ZNF407: variants seen among roughly 807,000 people sequenced by gnomAD.
ZNF407 encodes zinc finger protein 407.
A neutral mutation model predicts 131.2 loss-of-function variants in ZNF407; 17 were observed. The ratio of observed to expected loss-of-function variants is 0.13; its 90% CI spans 0.09 to 0.19. The LOEUF (loss-of-function observed/expected upper bound fraction) is 0.19, where lower values mean the gene tolerates loss of function less well. Among genes scored for constraint, ZNF407 ranks in the 10% least tolerant of loss-of-function variants. The pLI, the probability that ZNF407 is intolerant of heterozygous loss-of-function variation, is 1.00. For synonymous variants in ZNF407, 1,156 were observed against 1,062.0 expected, an observed-to-expected ratio of 1.09 and a Z score of -1.72; for missense variants, 2,681 against 2,830.6, an observed-to-expected ratio of 0.95 and a Z score of 1.20.
chr18:74,634,960 A>G lies in ZNF407; in HGVS notation c.3941A>G (p.His1314Arg), dbSNP rs1459282391. 1 of 1,614,044 alleles carries G rather than the reference A, an allele frequency of 6.2e-7. No individual in the cohort carries two copies. The highest frequency in any genetic ancestry group is 8.5e-7 in the Non-Finnish European group (1 of 1,179,902). Residue 1314 changes from histidine to arginine, a missense_variant, in exon 2 of 9, where the codon CAT (histidine) becomes CGT (arginine). His to Arg is a conservative substitution (Grantham distance 29). This residue lies in a region of ZNF407 where 1,789 missense variants were observed against 1,748.7 expected (regional missense o/e 1.02). Coordinates refer to ENST00000299687, the MANE Select transcript of ZNF407 (RefSeq NM_017757.3). ...GNKEILMNSQ[H>R]ETEFILEEDG... The stretch of plus-strand genomic sequence containing the variant: ...AAGGAAATTCTGATGAATTCACAAC[A>G]TGAAACAGAATTTATTTTGGAGGAG...
intron 4 of ZNF407, among the ~76,000 whole-genome samples, chr18:74,830,136 T>C (rs753064878): frequency 2.6e-4 from 40 of 152,280 alleles, no homozygotes; most frequent in Admixed American, 1.8e-3. Flanking sequence ...ACACCAACCC[T>C]AATGACACCT....
intron 3 of ZNF407, among the ~76,000 whole-genome samples, chr18:74,672,356 GA>G (rs2144754534): frequency 6.6e-6 from 1 of 152,280 alleles, no homozygotes; most frequent in East Asian, 1.9e-4. Flanking sequence ...GTCTTCTCTT[GA>G]AATGTGTCTG....
At chr18:74,628,807 T>C (rs774763655) in intron 1 of ZNF407, among the ~76,000 whole-genome samples, 4 of 152,264 alleles carry the variant, frequency 2.6e-5, no homozygotes, top group South Asian at 2.1e-4. Context: ...GTCGAACTAC[T>C]GCACCCAAGC....
chr18:75,012,316 T>TGTACACATAGTGTAG, intron 8 of ZNF407, among the ~76,000 whole-genome samples: 1 of 101,852 alleles, frequency 9.8e-6, no homozygotes, highest in East Asian at 2.9e-4. Flanking sequence ...ACATAGTGTA[T>TGTACACATAGTGTAG]GTACACATAG....
chr18:74,647,965 C>T (rs1163503155), intron 3 of ZNF407, among the ~76,000 whole-genome samples: 1 of 152,016 alleles, frequency 6.6e-6, no homozygotes, highest in Non-Finnish European at 1.5e-5. Flanking sequence ...TTTAACAGAG[C>T]GAACATGAGG....
intron 4 of ZNF407, among the ~76,000 whole-genome samples, chr18:74,783,645 T>G (rs1288054051): frequency 1.3e-5 from 2 of 152,106 alleles, no homozygotes; most frequent in Non-Finnish European, 2.9e-5. Context: ...AAAGGGAGAT[T>G]AAAACTGAGG....
At chr18:75,018,335 A>T (rs1568302359) in intron 8 of ZNF407, among the ~76,000 whole-genome samples, 1 of 152,008 alleles carries the variant, frequency 6.6e-6, no homozygotes, top group Non-Finnish European at 1.5e-5. Flanking sequence ...GTAAATGAAA[A>T]ATACAGTTGC....
intron 4 of ZNF407, among the ~76,000 whole-genome samples, chr18:74,789,642 G>A (rs1015096577): frequency 1.3e-5 from 2 of 152,128 alleles, no homozygotes; most frequent in Admixed American, 6.5e-5. Flanking sequence ...GCAGAGCCCA[G>A]GGAAAGAGCC....
At chr18:74,986,007 A>T (rs1015277585) in intron 8 of ZNF407, among the ~76,000 whole-genome samples, 1 of 152,212 alleles carries the variant, frequency 6.6e-6, no homozygotes, top group Admixed American at 6.5e-5. Flanking sequence ...AATACTTATG[A>T]GGATGGAATA....
At chr18:74,988,507 T>G (rs1972679909) in intron 8 of ZNF407, among the ~76,000 whole-genome samples, 1 of 150,972 alleles carries the variant, frequency 6.6e-6, no homozygotes, top group Non-Finnish European at 1.5e-5. Context: ...AGTTTTTATA[T>G]ATTTTTATAT....
intron 3 of ZNF407, among the ~76,000 whole-genome samples, chr18:74,713,965 A>G (rs920434598): frequency 5.7e-4 from 87 of 152,222 alleles, no homozygotes; most frequent in African/African-American, 2.0e-3. Flanking sequence ...GGCTTGAAAT[A>G]ATTTGGCCTT....
chr18:74,608,040 T>C (rs1982885103), intron 1 of ZNF407, among the ~76,000 whole-genome samples: 1 of 152,224 alleles, frequency 6.6e-6, no homozygotes, highest in Admixed American at 6.5e-5. Context: ...TTTTGTCTTT[T>C]TATCTTTCAT....
chr18:74,936,682 A>G (rs555935840), intron 8 of ZNF407, among the ~76,000 whole-genome samples: 4 of 152,186 alleles, frequency 2.6e-5, no homozygotes, highest in Non-Finnish European at 5.9e-5. Context: ...ACCTATACCG[A>G]AAGAATTCTA....
At chr18:74,860,034 A>G (rs963117679) in intron 4 of ZNF407, among the ~76,000 whole-genome samples, 1 of 152,196 alleles carries the variant, frequency 6.6e-6, no homozygotes, top group African/African-American at 2.4e-5. Context: ...GGCCAGGTAC[A>G]GTGGCTAACG....
intron 3 of ZNF407, among the ~76,000 whole-genome samples, chr18:74,713,311 A>G (rs1466963623): frequency 6.7e-6 from 1 of 149,882 alleles, no homozygotes; most frequent in Non-Finnish European, 1.5e-5. Flanking sequence ...TATATTTATT[A>G]AGGTACTGAG....
chr18:74,961,984 G>A (rs987835289), intron 8 of ZNF407, among the ~76,000 whole-genome samples: 5 of 152,144 alleles, frequency 3.3e-5, no homozygotes, highest in African/African-American at 1.2e-4. Flanking sequence ...ACGTTCATTA[G>A]GTTATGTATT....
intron 3 of ZNF407, among the ~76,000 whole-genome samples, chr18:74,646,779 T>C (rs529598680): frequency 1.3e-5 from 2 of 152,326 alleles, no homozygotes; most frequent in African/African-American, 2.4e-5. Context: ...GTGAACTGTT[T>C]GGTGAAGCCG....
chr18:74,967,494 C>T (rs939518066), intron 8 of ZNF407, among the ~76,000 whole-genome samples: 4 of 152,042 alleles, frequency 2.6e-5, no homozygotes, highest in Non-Finnish European at 4.4e-5. Context: ...TGTATGGAAA[C>T]GTGGGTCTTT....
At chr18:74,718,466 G>A (rs1967950547) in intron 3 of ZNF407, among the ~76,000 whole-genome samples, 1 of 152,048 alleles carries the variant, frequency 6.6e-6, no homozygotes, top group Non-Finnish European at 1.5e-5. Context: ...CAAGGTTGCA[G>A]TGAGCTGTGA....
Sources: allele counts gnomAD v4.1 joint callset (sites outside exome capture counted in the v4.1 genomes callset), GRCh38; gene constraint gnomAD v4.1.1; regional missense constraint gnomAD v4.1.1; transcripts MANE v1.5; gene names NCBI Gene and HGNC (gene_info 2026-07-23, HGNC 2026-07-21).